UGT2B7: variants seen among roughly 807,000 people sequenced by gnomAD.
The protein encoded by UGT2B7 is UDP glucuronosyltransferase family 2 member B7.
A neutral mutation model predicts 51.9 loss-of-function variants in UGT2B7; 51 were observed. The ratio of observed to expected loss-of-function variants is 0.98; its 90% CI spans 0.78 to 1.24. UGT2B7 has a LOEUF of 1.24. Among genes scored for constraint, UGT2B7 ranks in the 50% most tolerant of loss-of-function variants. The pLI, the probability that UGT2B7 is intolerant of heterozygous loss-of-function variation, is 0.00. For synonymous variants in UGT2B7, 225 were observed against 211.6 expected (o/e 1.06, Z -0.55); for missense variants, 727 against 628.4 (o/e 1.16, Z -1.68).
chr4:69,098,702 T>G lies in UGT2B7; in HGVS notation c.870+14T>G. 6.2e-7 allele frequency: 1 copy of G among 1,604,378 alleles called. No homozygotes were observed. The highest frequency in any genetic ancestry group is 8.5e-7 in the Non-Finnish European group (1 of 1,177,254). On this transcript the variant is annotated intron_variant, in intron 2 of 5. Coordinates refer to ENST00000305231, the MANE Select transcript of UGT2B7 (RefSeq NM_001074.4). ...CCCCTGCCTAAGGTAAACATACTTT[T>G]GTTGGTTTTATTTTGTTGGCTTTGA...
intron 1 of UGT2B7, among the ~76,000 whole-genome samples, chr4:69,072,438 A>T (rs1718620623): frequency 6.6e-6 from 1 of 152,208 alleles, no homozygotes; most frequent in African/African-American, 2.4e-5. Context: ...GATGAAAATA[A>T]CATATGAAGC....
intron 2 of UGT2B7, among the ~76,000 whole-genome samples, chr4:69,090,253 T>G (rs1258884866): frequency 6.6e-6 from 1 of 152,176 alleles, no homozygotes; most frequent in East Asian, 1.9e-4. Context: ...TAATGTTTAA[T>G]TAAAGTTCAT....
intron 1 of UGT2B7, 51 bp from the exon 2 acceptor site, chr4:69,098,489 C>G (rs1357591966): frequency 6.4e-7 from 1 of 1,568,256 alleles, no homozygotes; most frequent in East Asian, 2.3e-5. Context: ...AGAAATTTAC[C>G]TAAAGTAATT....
chr4:69,100,895 T>C (rs1268547072), intron 2 of UGT2B7, among the ~76,000 whole-genome samples: 1 of 152,138 alleles, frequency 6.6e-6, no homozygotes. Flanking sequence ...TGACAAAATG[T>C]ATCAGGTGTT....
chr4:69,052,267 C>T (rs1560495525), intron 1 of UGT2B7, among the ~76,000 whole-genome samples: 1 of 151,962 alleles, frequency 6.6e-6, no homozygotes, highest in Non-Finnish European at 1.5e-5. Flanking sequence ...CTTTAGACCC[C>T]TTCCCCCCCA....
chr4:69,060,557 A>G (rs189088242), intron 1 of UGT2B7, among the ~76,000 whole-genome samples: 19 of 152,340 alleles, frequency 1.2e-4, no homozygotes, highest in African/African-American at 4.6e-4. Flanking sequence ...TTCTTTTTAT[A>G]TGTCCATGAG....
intron 1 of UGT2B7, among the ~76,000 whole-genome samples, chr4:69,073,760 T>A (rs115938490): frequency 6.6e-6 from 1 of 151,922 alleles, no homozygotes; most frequent in Non-Finnish European, 1.5e-5. Context: ...AAAAAACAGG[T>A]AATCAGGAAA....
intron 1 of UGT2B7, among the ~76,000 whole-genome samples, chr4:69,079,421 C>T (rs1718786626): frequency 6.6e-6 from 1 of 152,194 alleles, no homozygotes; most frequent in Admixed American, 6.5e-5. Context: ...CAACATGGCA[C>T]ATGTATACAT....
chr4:69,082,814 C>G (rs1718867625), intron 1 of UGT2B7, among the ~76,000 whole-genome samples: 2 of 152,084 alleles, frequency 1.3e-5, no homozygotes, highest in African/African-American at 2.4e-5. Flanking sequence ...TGAATGTTGA[C>G]AAAACGGTCC....
At position 69,098,522 on chromosome 4, in the gene UGT2B7, T is replaced by TC; in HGVS notation, c.722-18_722-17insC. ...ATTATCTTGTGTCATCCACCTTTTT[T>TC]TTTTCTATTCCTGTCAGGAAGACCC... On this transcript the variant is annotated splice_polypyrimidine_tract_variant and intron_variant, in intron 1 of 5. Transcript: ENST00000305231. The TC allele has an allele frequency of 6.3e-7, 1 of 1,585,460 alleles. No individual in the cohort carries two copies. The highest frequency in any genetic ancestry group is 1.4e-5 in the African/African-American group (1 of 72,462).
intron 3 of UGT2B7, among the ~76,000 whole-genome samples, 169 bp downstream of exon 3, chr4:69,103,107 A>AAT (rs1560510743): frequency 1.3e-5 from 2 of 151,102 alleles, no homozygotes; most frequent in Non-Finnish European, 3.0e-5. Context: ...TTGTGGTTGC[A>AAT]TTTTTTTTTA....
chr4:69,090,987 T>C (rs1457209676), intron 2 of UGT2B7, among the ~76,000 whole-genome samples: 2 of 152,190 alleles, frequency 1.3e-5, no homozygotes, highest in Non-Finnish European at 2.9e-5. Context: ...CAAATTTCTC[T>C]GTGATCCATA....
intron 3 of UGT2B7, among the ~76,000 whole-genome samples, chr4:69,103,904 CATGATTGA>C (rs1328880969): frequency 6.6e-6 from 1 of 152,130 alleles, no homozygotes; most frequent in Non-Finnish European, 1.5e-5. Context: ...GCTAGTATAA[CATGATTGA>C]ATGTTATTAA....
intron 1 of UGT2B7, among the ~76,000 whole-genome samples, chr4:69,070,714 TAGAC>T (rs1718582525): frequency 6.6e-6 from 1 of 152,182 alleles, no homozygotes; most frequent in East Asian, 1.9e-4. Flanking sequence ...CAAGGTGAGT[TAGAC>T]AGGGTAATTT....
At chr4:69,104,089 C>G (rs1490763687) in intron 3 of UGT2B7, among the ~76,000 whole-genome samples, 1 of 152,068 alleles carries the variant, frequency 6.6e-6, no homozygotes, top group Non-Finnish European at 1.5e-5. Context: ...AAGTTCAAGA[C>G]CAGCTTGGCC....
At chr4:69,077,594 G>C (rs1219636008) in intron 1 of UGT2B7, among the ~76,000 whole-genome samples, 1 of 151,058 alleles carries the variant, frequency 6.6e-6, no homozygotes, top group Non-Finnish European at 1.5e-5. Flanking sequence ...TTTTTTATTG[G>C]TGTATAGGAA....
intron 1 of UGT2B7, among the ~76,000 whole-genome samples, chr4:69,071,577 A>C (rs1280623891): frequency 6.6e-6 from 1 of 152,116 alleles, no homozygotes; most frequent in African/African-American, 2.4e-5. Context: ...ATGTGTCTAA[A>C]ACAGTTGAAT....
At chr4:69,074,707 C>G (rs758134338) in intron 1 of UGT2B7, among the ~76,000 whole-genome samples, 1 of 152,024 alleles carries the variant, frequency 6.6e-6, no homozygotes, top group Non-Finnish European at 1.5e-5. Context: ...ACAAAAGTCA[C>G]TGCACTCTGT....
chr4:69,063,147 G>C (rs933036289), intron 1 of UGT2B7, among the ~76,000 whole-genome samples: 4 of 150,966 alleles, frequency 2.6e-5, no homozygotes, highest in Non-Finnish European at 4.4e-5. Context: ...GTGAAACCCC[G>C]TCTCTACTAA....
Sources: allele counts gnomAD v4.1 joint callset (sites outside exome capture counted in the v4.1 genomes callset), GRCh38; gene constraint gnomAD v4.1.1; transcripts MANE v1.5; gene names NCBI Gene and HGNC (gene_info 2026-07-23, HGNC 2026-07-21).